FAM204A: variants seen among roughly 807,000 people sequenced by gnomAD.
FAM204A encodes family with sequence similarity 204 member A.
In FAM204A, 16 loss-of-function variants were observed where a neutral mutation model predicts 35.4. That is an observed-to-expected ratio of 0.45 (90% CI 0.31 to 0.69). The LOEUF (loss-of-function observed/expected upper bound fraction) is 0.69. FAM204A is among the 30% of genes least tolerant of loss of function. FAM204A has a pLI of 0.07. For synonymous variants in FAM204A, 76 were observed against 86.9 expected, an observed-to-expected ratio of 0.88 and a Z score of 0.70; for missense variants, 240 against 265.7, an observed-to-expected ratio of 0.90 and a Z score of 0.67.
At chr10:118,333,606 G>A (rs1231705757) in intron 6 of FAM204A, among the ~76,000 whole-genome samples, 1 of 152,128 alleles carries the variant, frequency 6.6e-6, no homozygotes, top group Non-Finnish European at 1.5e-5. Context: ...AAGAGAACAG[G>A]AAACATGCAA....
chr10:118,339,808 C>T (rs1394410407), intron 2 of FAM204A, among the ~76,000 whole-genome samples: 1 of 151,362 alleles, frequency 6.6e-6, no homozygotes, highest in African/African-American at 2.4e-5. Flanking sequence ...ATCCTCAAGA[C>T]ATTCTGTGTG....
chr10:118,334,128 C>T (rs1846340801), intron 6 of FAM204A, among the ~76,000 whole-genome samples: 1 of 152,164 alleles, frequency 6.6e-6, no homozygotes, highest in Non-Finnish European at 1.5e-5. Flanking sequence ...TGTCTAGAGA[C>T]TGACAACTAC....
chr10:118,335,279 C>T (rs1329531652), intron 5 of FAM204A, 66 bp from the exon 6 acceptor site: 83 of 1,551,218 alleles, frequency 5.4e-5, no homozygotes, highest in Non-Finnish European at 6.6e-5. Flanking sequence ...TGTTTTTAAT[C>T]GGTTACTACA....
intron 7 of FAM204A, among the ~76,000 whole-genome samples, chr10:118,316,332 A>AT: frequency 6.6e-6 from 1 of 152,276 alleles, no homozygotes; most frequent in South Asian, 2.1e-4. Context: ...TCAAACCACA[A>AT]TTTAATATAT....
At chr10:118,316,945 A>C (rs960628695) in intron 7 of FAM204A, among the ~76,000 whole-genome samples, 2 of 152,094 alleles carry the variant, frequency 1.3e-5, no homozygotes, top group Non-Finnish European at 2.9e-5. Flanking sequence ...TATGCCATTC[A>C]TAAGGGGAAA....
At chr10:118,311,146 AT>A (rs1311986621) in intron 8 of FAM204A, 60 bp downstream of exon 8, 64 of 1,460,398 alleles carry the variant, frequency 4.4e-5, no homozygotes, top group Non-Finnish European at 6.0e-5. Context: ...ATCACAAAAT[AT>A]ATTAGCAGAA....
In FAM204A at chr10:118,303,014, GC is replaced by G; in HGVS notation, c.*7842del. ...AACAAGTGATTCTGCTTGCAGGAGG[GC>G]ATGGATCCCACTTCAAGAACCACTG... is the stretch of plus-strand genomic sequence containing the variant. On this transcript the variant is annotated 3_prime_UTR_variant, in exon 9 of 9. Transcript: ENST00000369183. 1 of 152,332 alleles carries G rather than the reference GC, an allele frequency of 6.6e-6. No homozygotes were observed. Among genetic ancestry groups the G allele is most frequent in the Admixed American group, 6.5e-5 (1 of 15,300 alleles). 9.4% of individuals were successfully genotyped at this position (152,332 alleles called of 1,614,324 possible).
At chr10:118,312,539 T>C (rs1005192107) in intron 7 of FAM204A, among the ~76,000 whole-genome samples, 1 of 152,232 alleles carries the variant, frequency 6.6e-6, no homozygotes, top group Non-Finnish European at 1.5e-5. Context: ...AATCAAGCAC[T>C]GTCTGTAGTT....
Position 118,308,459 on chromosome 10 carries a change from G to T in FAM204A, c.*2398C>A, listed in dbSNP as rs1260272699. 1 of 152,120 alleles carries T rather than the reference G, an allele frequency of 6.6e-6. No individual in the cohort carries two copies. Among genetic ancestry groups the T allele is most frequent in the African/African-American group, 2.4e-5 (1 of 41,422 alleles). The allele number at this position is 152,120 out of a possible 1,614,324, so 9.4% of individuals were successfully genotyped here. A position where few individuals can be genotyped will look rare whatever the true frequency, so the allele number is the denominator to read the frequency against. ...TAAAATACCTAATTCCTATTAGAAA[G>T]GATAAAATAAAACTGCTCTCAAATG... On this transcript the variant is annotated 3_prime_UTR_variant, in exon 9 of 9. Transcript: ENST00000369183.
intron 6 of FAM204A, among the ~76,000 whole-genome samples, chr10:118,331,522 A>G (rs1418621722): frequency 1.3e-5 from 2 of 152,230 alleles, no homozygotes; most frequent in Non-Finnish European, 2.9e-5. Context: ...TAAGAAATGT[A>G]TGGGTACTTG....
chr10:118,341,006 G>T (rs542397597), intron 2 of FAM204A, among the ~76,000 whole-genome samples: 1 of 152,272 alleles, frequency 6.6e-6, no homozygotes, highest in Non-Finnish European at 1.5e-5. Flanking sequence ...TTACAGACTT[G>T]TTAAATTTGG....
chr10:118,326,087 T>C lies in FAM204A; in HGVS notation c.543+67A>G, dbSNP rs1277375712. The C allele has an allele frequency of 7.1e-6, 9 of 1,271,112 alleles. No individual in the cohort carries two copies. In the South Asian group the frequency reaches 1.2e-4, roughly 16 times the overall value. 78.7% of individuals were successfully genotyped at this position (1,271,112 alleles called of 1,614,324 possible). ...TTAATACTGAACTTATTAATGATCA[T>C]AAAAAGAATACAAATTTATTCTAGA... On this transcript the variant is annotated intron_variant, in intron 7 of 8. Transcript: ENST00000369183.
chr10:118,337,120 A>G (rs907989423), intron 2 of FAM204A: 1 of 375,510 alleles, frequency 2.7e-6, no homozygotes, highest in Non-Finnish European at 3.7e-6. Context: ...AATATTTAGC[A>G]TTAGCTATAC....
chr10:118,314,527 C>T (rs1461138942), intron 7 of FAM204A, among the ~76,000 whole-genome samples: 1 of 152,160 alleles, frequency 6.6e-6, no homozygotes, highest in African/African-American at 2.4e-5. Flanking sequence ...AGATGACTAA[C>T]CTGGGTTCCA....
In FAM204A at chr10:118,309,064, T is replaced by C. The variant is rs572071084; in HGVS notation, c.*1793A>G. On this transcript the variant is annotated 3_prime_UTR_variant, in exon 9 of 9. Transcript: ENST00000369183. ...ATTTTTAGAGGAAAGGTTTCTATAC[T>C]AAAAGTCTGTATTTACCTAATTTAG... 1 of 152,336 alleles carries C rather than the reference T, an allele frequency of 6.6e-6. No homozygotes were observed. Among genetic ancestry groups the C allele is most frequent in the East Asian group, 1.9e-4 (1 of 5,190 alleles). The allele number at this position is 152,336 out of a possible 1,614,324, so 9.4% of individuals were successfully genotyped here.
chr10:118,336,186 C>T lies in FAM204A; in HGVS notation c.230G>A (p.Trp77Ter). The T allele has an allele frequency of 6.2e-7, 1 of 1,612,988 alleles. No homozygotes were observed. The highest frequency in any genetic ancestry group is 8.5e-7 in the Non-Finnish European group (1 of 1,179,480). ...AGCATTTCAGAGAAAACCTACATTC[C>T]ACATATCTATGGGAATTCCAGAAGG... is the stretch of plus-strand genomic sequence containing the variant. ...ECPSGIPIDM[W>*]NKFQELHKKH... Residue 77 changes from tryptophan to a stop codon, truncating the protein, a stop_gained, in exon 3 of 9, where the codon TGG becomes TAG. Transcript: ENST00000369183. LOFTEE classifies it high-confidence loss of function.
Position 118,299,556 on chromosome 10 carries a change from T to C in FAM204A, c.*11301A>G, listed in dbSNP as rs1357720009. 6.6e-6 allele frequency: 1 copy of C among 152,006 alleles called. No homozygotes were observed. The highest frequency in any genetic ancestry group is 1.5e-5 in the Non-Finnish European group (1 of 68,050). 9.4% of individuals were successfully genotyped at this position (152,006 alleles called of 1,614,324 possible). ...GTACCACCACATATGGCTAATTTTTTATTTTTTGTAGTGATGAAGTCCTGC... is the reference window on the plus strand; with the variant it reads ...GTACCACCACATATGGCTAATTTTTCATTTTTTGTAGTGATGAAGTCCTGC... On this transcript the variant is annotated 3_prime_UTR_variant, in exon 9 of 9. Transcript: ENST00000369183.
intron 6 of FAM204A, among the ~76,000 whole-genome samples, chr10:118,331,607 CA>C (rs1291256584): frequency 6.6e-6 from 1 of 151,984 alleles, no homozygotes; most frequent in African/African-American, 2.4e-5. Flanking sequence ...CTTTTAAAGT[CA>C]AACTATACCA....
chr10:118,333,594 C>T (rs141147639), intron 6 of FAM204A, among the ~76,000 whole-genome samples: 2 of 152,274 alleles, frequency 1.3e-5, no homozygotes, highest in Non-Finnish European at 2.9e-5. Context: ...TACTGAACTA[C>T]CAAGAGAACA....
Sources: gnomAD v4.1 joint callset for allele counts (sites outside exome capture counted in the v4.1 genomes callset) on GRCh38, gnomAD v4.1.1 for gene constraint, MANE v1.5 for transcripts, NCBI Gene and HGNC (gene_info 2026-07-23, HGNC 2026-07-21) for gene names.